Variants in ANGPT1 observed in about 807,000 individuals in gnomAD.
ANGPT1 encodes the protein angiopoietin 1.
ANGPT1 carries 17 observed loss-of-function variants against 62.2 expected under a neutral mutation model. The ratio of observed to expected loss-of-function variants is 0.27; its 90% CI spans 0.19 to 0.41. The LOEUF is 0.41. ANGPT1 is among the 10% of genes least tolerant of loss of function. The probability of loss-of-function intolerance (pLI) is 1.00; values close to 1 mark genes in which losing one functional copy is unlikely to be tolerated. For synonymous variants in ANGPT1, 199 were observed against 198.9 expected, an observed-to-expected ratio of 1.00 and a Z score of 0.00; for missense variants, 478 against 594.9, an observed-to-expected ratio of 0.80 and a Z score of 2.04.
At chr8:107,463,684 A>G (rs1812127946) in intron 1 of ANGPT1, among the ~76,000 whole-genome samples, 1 of 152,138 alleles carries the variant, frequency 6.6e-6, no homozygotes, top group Non-Finnish European at 1.5e-5. Context: ...ATATTTAAAG[A>G]TAATGTGATT....
At chr8:107,324,215 A>ATGTATATATATATATG (rs1554582627) in intron 3 of ANGPT1, among the ~76,000 whole-genome samples, 5 of 144,772 alleles carry the variant, frequency 3.5e-5, no homozygotes, top group South Asian at 2.2e-4. Flanking sequence ...GTATATATAT[A>ATGTATATATATATATG]TGTGTGTGTG....
intron 1 of ANGPT1, among the ~76,000 whole-genome samples, chr8:107,478,335 G>T (rs1812589470): frequency 6.6e-6 from 1 of 151,378 alleles, no homozygotes. Flanking sequence ...GATCACCTGA[G>T]GTCAGGAGCT....
intron 1 of ANGPT1, among the ~76,000 whole-genome samples, chr8:107,348,919 C>G (rs1815870939): frequency 6.6e-6 from 1 of 152,108 alleles, no homozygotes; most frequent in African/African-American, 2.4e-5. Flanking sequence ...GTGAATTGTT[C>G]AAGAATGGAA....
intron 8 of ANGPT1, among the ~76,000 whole-genome samples, chr8:107,258,071 C>A (rs1813412178): frequency 6.6e-6 from 1 of 151,226 alleles, no homozygotes; most frequent in Admixed American, 6.6e-5. Flanking sequence ...TCTAGGTATT[C>A]TTTTACCTCC....
intron 1 of ANGPT1, among the ~76,000 whole-genome samples, chr8:107,452,516 G>C (rs548173882): frequency 1.3e-5 from 2 of 150,416 alleles, no homozygotes; most frequent in Non-Finnish European, 3.0e-5. Flanking sequence ...TTTTTTTGAA[G>C]TTTGTAATAG....
At chr8:107,255,503 T>G (rs1813337907) in intron 8 of ANGPT1, among the ~76,000 whole-genome samples, 1 of 152,234 alleles carries the variant, frequency 6.6e-6, no homozygotes, top group East Asian at 1.9e-4. Context: ...AGACTTTTCA[T>G]GCTTACTTCA....
intron 3 of ANGPT1, among the ~76,000 whole-genome samples, chr8:107,334,343 T>C (rs1277054485): frequency 1.3e-5 from 2 of 152,198 alleles, no homozygotes. Context: ...AAATGAAATA[T>C]GCAGTTATTA....
At chr8:107,258,078 C>G (rs1463949169) in intron 8 of ANGPT1, among the ~76,000 whole-genome samples, 1 of 151,004 alleles carries the variant, frequency 6.6e-6, no homozygotes, top group Non-Finnish European at 1.5e-5. Flanking sequence ...ATTCTTTTAC[C>G]TCCTCTCTTC....
At chr8:107,282,121 G>A (rs1445247922) in intron 7 of ANGPT1, among the ~76,000 whole-genome samples, 3 of 151,618 alleles carry the variant, frequency 2.0e-5, no homozygotes, top group South Asian at 2.1e-4. Flanking sequence ...TTGAAAAAGC[G>A]AATAACACCA....
intron 5 of ANGPT1, chr8:107,295,136 A>G (rs937542062): frequency 1.3e-5 from 2 of 152,190 alleles, no homozygotes; most frequent in African/African-American, 2.4e-5. Context: ...TTGTCCATGT[A>G]CTTCCTCAGA....
chr8:107,297,152 C>T (rs1199368342), intron 5 of ANGPT1, among the ~76,000 whole-genome samples: 1 of 151,904 alleles, frequency 6.6e-6, no homozygotes, highest in South Asian at 2.1e-4. Context: ...ATATAAATTA[C>T]CCAGGCAGAT....
At chr8:107,497,226 G>C in intron 1 of ANGPT1, 36 bp downstream of exon 1, 1 of 1,599,066 alleles carries the variant, frequency 6.3e-7, no homozygotes, top group Non-Finnish European at 8.5e-7. Flanking sequence ...AAAGGAAAAA[G>C]GTCCGTGCTA....
chr8:107,274,642 A>G (rs183763284), intron 7 of ANGPT1, among the ~76,000 whole-genome samples: 4 of 152,124 alleles, frequency 2.6e-5, no homozygotes, highest in African/African-American at 9.7e-5. Flanking sequence ...TAGAAATCTT[A>G]GTGGCAACTG....
chr8:107,288,090 C>A (rs1435341891), intron 6 of ANGPT1, among the ~76,000 whole-genome samples: 1 of 151,808 alleles, frequency 6.6e-6, no homozygotes, highest in Admixed American at 6.6e-5. Flanking sequence ...TGTATTAGCC[C>A]AAAAATTAAT....
At chr8:107,432,143 T>TA (rs529344726) in intron 1 of ANGPT1, among the ~76,000 whole-genome samples, 380 of 142,896 alleles carry the variant, frequency 2.7e-3, no homozygotes, top group Middle Eastern at 7.2e-3. Context: ...CATGCAATTA[T>TA]AAAAAAAAAA....
At chr8:107,378,155 T>C (rs1816565118) in intron 1 of ANGPT1, among the ~76,000 whole-genome samples, 1 of 152,194 alleles carries the variant, frequency 6.6e-6, no homozygotes, top group South Asian at 2.1e-4. Flanking sequence ...TCAGCCTTCA[T>C]AGGGTTTAGA....
At chr8:107,405,539 T>C (rs1817132520) in intron 1 of ANGPT1, among the ~76,000 whole-genome samples, 1 of 151,970 alleles carries the variant, frequency 6.6e-6, no homozygotes, top group Admixed American at 6.6e-5. Context: ...TTAAAATGTT[T>C]TATAAAATTA....
intron 1 of ANGPT1, among the ~76,000 whole-genome samples, chr8:107,419,837 C>T (rs970680701): frequency 4.6e-5 from 7 of 152,206 alleles, no homozygotes; most frequent in Non-Finnish European, 7.4e-5. Context: ...TGACTAATTT[C>T]GTAGGGTTTT....
At chr8:107,449,359 C>A (rs1329026819) in intron 1 of ANGPT1, among the ~76,000 whole-genome samples, 2 of 150,062 alleles carry the variant, frequency 1.3e-5, no homozygotes, top group Non-Finnish European at 3.0e-5. Context: ...ACTTTATAAA[C>A]CCCTTATTAA....
Sources: gnomAD v4.1 joint callset for allele counts (sites outside exome capture counted in the v4.1 genomes callset) on GRCh38, gnomAD v4.1.1 for gene constraint, MANE v1.5 for transcripts, NCBI Gene and HGNC (gene_info 2026-07-23, HGNC 2026-07-21) for gene names.